Variants in WDR81 observed in about 807,000 individuals in gnomAD.
WDR81 encodes the protein WD repeat domain 81.
Under a neutral mutation model 140.8 loss-of-function variants are expected in WDR81, and 92 were observed. That is an observed-to-expected ratio of 0.65 (90% CI 0.55 to 0.78). WDR81 has a LOEUF of 0.78. Ranked by LOEUF, WDR81 falls within the 30% of genes least tolerant of loss-of-function variation. WDR81 has a pLI of 0.00. For synonymous variants in WDR81, 1,183 were observed against 1,156.4 expected (o/e 1.02, Z -0.47); for missense variants, 2,502 against 2,636.4 (o/e 0.95, Z 1.12).
rs1904311188 is a variant in WDR81 at position 1,730,884 on chromosome 17, T to G, written c.3905T>G (p.Ile1302Ser). 1 of 1,612,912 alleles carries G rather than the reference T, an allele frequency of 6.2e-7. No individual in the cohort carries two copies. The highest frequency in any genetic ancestry group is 1.3e-5 in the African/African-American group (1 of 74,952). ...SGPVLSCLLH[I>S]ARLYGEPVLT... is the part of the protein sequence containing the mutation. ...CCTGTGCTCAGCTGCCTCCTCCACA[T>G]CGCCCGCCTGTATGGGGAGCCTGTC... Residue 1302 changes from isoleucine to serine, a missense_variant, in exon 3 of 10, where the codon ATC (isoleucine) becomes AGC (serine). Physicochemically the swap from Ile to Ser is moderately radical, Grantham distance 142 (BLOSUM62 -2). Coordinates refer to ENST00000409644, the MANE Select transcript of WDR81 (RefSeq NM_001163809.2).
rs367841728 is a variant in WDR81 at position 1,730,711 on chromosome 17, G to A, written c.3776-44G>A. 688 of 1,564,802 alleles carry A rather than the reference G, an allele frequency of 4.4e-4. 4 individuals carry two copies. The Admixed American group carries it at 4.6e-3, about 11-fold the overall frequency. On this transcript the variant is annotated intron_variant, in intron 2 of 9. Transcript: ENST00000409644. Reference sequence around the variant, plus strand: ...AGCCCTGCAGGGCCAGGCTACCCCCGGCCCTCCACTGGCGACTCAGGGCTG... The same window carrying A: ...AGCCCTGCAGGGCCAGGCTACCCCCAGCCCTCCACTGGCGACTCAGGGCTG...
At position 1,726,515 on chromosome 17, in the gene WDR81, G is replaced by C. The variant is rs1479161938; in HGVS notation, c.1556G>C (p.Ser519Thr). ...GACCTGGATGTGCCAGCCTGGTGCA[G>C]CTCCAGCCAGGAGTTCGTAGCTGCC... ...MPDLDVPAWC[S>T]SSQEFVAAHR... The change falls in exon 1 of 10, where the codon AGC becomes ACC. Residue 519 changes from serine to threonine, a missense_variant. Physicochemically the swap from Ser to Thr is moderately conservative, Grantham distance 58. Around this residue, in one of 3 missense-constraint regions of WDR81, gnomAD observed 218 missense variants for 279.6 expected, o/e 0.78. Coordinates refer to ENST00000409644, the MANE Select transcript of WDR81 (RefSeq NM_001163809.2). 6.4e-7 allele frequency: 1 copy of C among 1,550,458 alleles called. No individual in the cohort carries two copies. The highest frequency in any genetic ancestry group is 2.0e-5 in the Admixed American group (1 of 51,000).
chr17:1,733,089 G>GCGGTC, intron 6 of WDR81: 1 of 507,092 alleles, frequency 2.0e-6, no homozygotes, highest in Non-Finnish European at 3.4e-6. Flanking sequence ...AGGTGGACTG[G>GCGGTC]CGGTCCGCAG....
Position 1,730,423 on chromosome 17 carries a change from C to T in WDR81, c.3711C>T (p.Gly1237=), listed in dbSNP as rs1206278243. Residue 1237 remains glycine, a synonymous_variant, in exon 2 of 10, where the codon GGC becomes GGT. Transcript: ENST00000409644. ...KMVRWLSAKL[G]PTVASRHVAR... ...TCCGCTGGCTGTCTGCCAAGCTCGG[C>T]CCCACAGTGGCCTCTCGCCACGTGG... 1 of 1,613,236 alleles carries T rather than the reference C, an allele frequency of 6.2e-7. No homozygotes were observed. The highest frequency in any genetic ancestry group is 8.5e-7 in the Non-Finnish European group (1 of 1,179,928).
Position 1,727,912 on chromosome 17 carries a change from G to T in WDR81, c.2953G>T (p.Asp985Tyr). ...QLHGRFYLYT[D>Y]CFVAQLMVRL... ...ACACGGCCGCTTCTACCTGTACACG[G>T]ACTGCTTTGTGGCCCAGCTGATGGT... The change falls in exon 1 of 10, where the codon GAC becomes TAC. Residue 985 changes from aspartate (D) to tyrosine (Y), a missense_variant. By Grantham distance (160) the Asp-to-Tyr change is radical. This residue lies in a region of WDR81 where 1,737 missense variants were observed against 1,843.0 expected (regional missense o/e 0.94). Transcript: ENST00000409644. 1 of 1,550,710 alleles carries T rather than the reference G, an allele frequency of 6.4e-7. No homozygotes were observed. Among genetic ancestry groups the T allele is most frequent in the Non-Finnish European group, 8.7e-7 (1 of 1,147,058 alleles).
chr17:1,737,849 C>T lies in WDR81; in HGVS notation c.*164C>T, dbSNP rs752192166. The T allele has an allele frequency of 1.6e-4, 142 of 887,130 alleles. No individual in the cohort carries two copies. Among genetic ancestry groups the T allele is most frequent in the Non-Finnish European group, 2.2e-4 (132 of 599,918 alleles). 55.0% of individuals were successfully genotyped at this position (887,130 alleles called of 1,614,324 possible). On this transcript the variant is annotated 3_prime_UTR_variant, in exon 10 of 10. Transcript: ENST00000409644. ...GGGCCTGCAAATGGAGTGGGGGAGT[C>T]CTGGCCCCTGAATCACCAGAGCCAC...
chr17:1,735,197 A>C lies in WDR81; in HGVS notation c.5180-375A>C, dbSNP rs1349572673. ...GTAATCCCAGCACTTTGGGAGGCCA[A>C]AGTGGGTGGATCATGAGGTCAGGAG... On this transcript the variant is annotated intron_variant, in intron 7 of 9. Coordinates refer to ENST00000409644, the MANE Select transcript of WDR81 (RefSeq NM_001163809.2). The surrounding 1 kb of genome is among the most constrained non-coding windows in gnomAD (Gnocchi z 4.2). Among the ~76,000 whole-genome samples the C allele has an allele frequency of 1.3e-5, 2 of 152,204 alleles. No individual in the cohort carries two copies. Among genetic ancestry groups the C allele is most frequent in the East Asian group, 3.9e-4 (2 of 5,194 alleles).
rs1260584941 is a variant in WDR81 at position 1,726,568 on chromosome 17, G to A, written c.1609G>A (p.Val537Ile). Residue 537 changes from valine to isoleucine, a missense_variant, in exon 1 of 10, where the codon GTA (valine) becomes ATA (isoleucine). By Grantham distance (29) the Val-to-Ile change is conservative (BLOSUM62 3). Coordinates refer to ENST00000409644, the MANE Select transcript of WDR81 (RefSeq NM_001163809.2). ...CCGAGCCCTGCTGGAGAGCCGCGAG[G>A]TATCCCGGGACCTGCACCATTGGAT... is the stretch of plus-strand genomic sequence containing the variant. ...AHRALLESRE[V>I]SRDLHHWIDL... is the part of the protein sequence containing the mutation. The A allele has an allele frequency of 2.1e-5, 32 of 1,550,266 alleles. No homozygotes were observed. Among genetic ancestry groups the A allele is most frequent in the Middle Eastern group, 1.7e-4 (1 of 6,012 alleles).
In WDR81 at chr17:1,725,671, G is replaced by C; in HGVS notation, c.712G>C (p.Val238Leu). 6.5e-7 allele frequency: 1 copy of C among 1,548,026 alleles called. No homozygotes were observed. Among genetic ancestry groups the C allele is most frequent in the South Asian group, 1.2e-5 (1 of 84,064 alleles). ...PEMLYVVHPY[V>L]QFSLHDVVTF... is the part of the protein sequence containing the mutation. Reference sequence around the variant, plus strand: ...GATGCTGTATGTGGTACACCCTTACGTACAGTTCTCCCTACATGACGTGGT... The same window carrying C: ...GATGCTGTATGTGGTACACCCTTACCTACAGTTCTCCCTACATGACGTGGT... The change falls in exon 1 of 10, where the codon GTA (valine) becomes CTA (leucine). Residue 238 changes from valine to leucine, a missense_variant. Physicochemically the swap from Val to Leu is conservative, Grantham distance 32 (BLOSUM62 1). Coordinates refer to ENST00000409644, the MANE Select transcript of WDR81 (RefSeq NM_001163809.2).
intron 6 of WDR81, 182 bp downstream of exon 6, chr17:1,733,013 A>T: frequency 1.4e-6 from 1 of 716,490 alleles, no homozygotes; most frequent in Non-Finnish European, 2.1e-6. Flanking sequence ...AGGACTGAGC[A>T]GTAGCCAGCA....
At position 1,732,428 on chromosome 17, in the gene WDR81, C is replaced by T; in HGVS notation, c.4261C>T (p.Leu1421=). The T allele has an allele frequency of 6.2e-7, 1 of 1,613,586 alleles. No individual in the cohort carries two copies. The highest frequency in any genetic ancestry group is 8.5e-7 in the Non-Finnish European group (1 of 1,180,012). Reference sequence around the variant, plus strand: ...TGGACAGGAGATGGTCCAGCAGCACCTGAGCGAGCCCGTGGCCACCTTTTT... The same window carrying T: ...TGGACAGGAGATGGTCCAGCAGCACTTGAGCGAGCCCGTGGCCACCTTTTT... ...RIGQEMVQQH[L]SEPVATFFQV... is the part of the protein sequence containing the mutation. The change falls in exon 5 of 10, where the codon CTG becomes TTG. Residue 1421 remains leucine, a synonymous_variant. Transcript: ENST00000409644.
upstream of WDR81, among the ~76,000 whole-genome samples, chr17:1,723,398 T>A (rs1914981529): frequency 6.7e-6 from 1 of 150,252 alleles, no homozygotes; most frequent in Non-Finnish European, 1.5e-5. Context: ...GTTTTATTTT[T>A]ATTTTATTTT....
chr17:1,721,697 C>T (rs905336487), upstream of WDR81, among the ~76,000 whole-genome samples: 3 of 151,742 alleles, frequency 2.0e-5, no homozygotes, highest in Non-Finnish European at 2.9e-5. Flanking sequence ...TGGCACATTC[C>T]TGTAGTCCCA....
At chr17:1,732,162 G>T (rs1046355747) in intron 4 of WDR81, among the ~76,000 whole-genome samples, 163 bp from the exon 5 acceptor site, 1 of 151,968 alleles carries the variant, frequency 6.6e-6, no homozygotes, top group African/African-American at 2.4e-5. Flanking sequence ...GCTTGAACCC[G>T]GGAGGCAGAG....
At chr17:1,736,853 T>G (rs954495425) in intron 9 of WDR81, among the ~76,000 whole-genome samples, 4 of 152,188 alleles carry the variant, frequency 2.6e-5, no homozygotes, top group African/African-American at 9.7e-5. Context: ...GAGTCTTGCA[T>G]TGCCCTGCTG....
intron 2 of WDR81, 106 bp downstream of exon 2, chr17:1,730,593 C>T (rs1915626589): frequency 4.3e-6 from 6 of 1,397,454 alleles, no homozygotes; most frequent in Admixed American, 4.4e-5. Context: ...CCTCAAACCA[C>T]CCCCCGGCCA....
rs779015895 is a variant in WDR81 at position 1,732,407 on chromosome 17, C to T, written c.4240C>T (p.Gln1414Ter). ...LIALICLRIG[Q>*]EMVQQHLSEP... ...CGCCCTCATCTGCCTGCGCATTGGA[C>T]AGGAGATGGTCCAGCAGCACCTGAG... Residue 1414 changes from glutamine to a stop codon, truncating the protein, a stop_gained, in exon 5 of 10, where the codon CAG becomes TAG. Coordinates refer to ENST00000409644, the MANE Select transcript of WDR81 (RefSeq NM_001163809.2). LOFTEE classifies it high-confidence loss of function. 6.2e-7 allele frequency: 1 copy of T among 1,613,552 alleles called. No individual in the cohort carries two copies. The highest frequency in any genetic ancestry group is 8.5e-7 in the Non-Finnish European group (1 of 1,180,042).
At chr17:1,732,948 G>A in intron 6 of WDR81, 117 bp downstream of exon 6, 1 of 1,356,504 alleles carries the variant, frequency 7.4e-7, no homozygotes, top group Non-Finnish European at 9.9e-7. Flanking sequence ...AGCAGGATGG[G>A]TGAGAGCAAA....
At chr17:1,731,926 C>CA (rs71375531) in intron 4 of WDR81, among the ~76,000 whole-genome samples, 30,125 of 129,624 alleles carry the variant, frequency 0.23, 3,463 homozygotes, top group African/African-American at 0.28. Flanking sequence ...GACTCTGTCT[C>CA]AAAAAAAAAA....
Sources: gnomAD v4.1 joint callset for allele counts (sites outside exome capture counted in the v4.1 genomes callset) on GRCh38, gnomAD v4.1.1 for gene constraint, gnomAD v4.1.1 regional missense constraint, Gnocchi (gnomAD v3.1) non-coding constraint, MANE v1.5 for transcripts, NCBI Gene and HGNC (gene_info 2026-07-23, HGNC 2026-07-21) for gene names.